SMPD3: variants seen among roughly 807,000 people sequenced by gnomAD.
SMPD3 encodes the protein nSMase-2.
A neutral mutation model predicts 55.7 loss-of-function variants in SMPD3; 21 were observed. The observed-to-expected ratio is 0.38, with a 90% confidence interval of 0.27 to 0.54. The LOEUF is 0.54. Among genes scored for constraint, SMPD3 ranks in the 20% least tolerant of loss-of-function variants. The pLI, the probability that SMPD3 is intolerant of heterozygous loss-of-function variation, is 0.80. For synonymous variants in SMPD3, 457 were observed against 404.3 expected (o/e 1.13, Z -1.56); for missense variants, 842 against 899.6 (o/e 0.94, Z 0.82).
Position 68,371,743 on chromosome 16 carries a change from T to G in SMPD3, c.439A>C (p.Thr147Pro), listed in dbSNP as rs762435024. Residue 147 changes from threonine to proline, a missense_variant, in exon 3 of 9, where the codon ACC becomes CCC. By Grantham distance (38) the Thr-to-Pro change is conservative (BLOSUM62 -1). Transcript: ENST00000219334. Reference protein sequence around the residue: ...SLARVNNLFNTQARAKEIGQR... With the variant: ...SLARVNNLFNPQARAKEIGQR... ...CCGATCTCCTTGGCCCGCGCTTGGG[T>G]GTTAAAAAGGTTGTTGACCCTGGCG... 18 of 1,609,760 alleles carry G rather than the reference T, an allele frequency of 1.1e-5. No individual in the cohort carries two copies. In the East Asian group the frequency reaches 3.1e-4, roughly 28 times the overall value.
Position 68,447,391 on chromosome 16 carries a change from T to C in SMPD3, c.-269+962A>G, listed in dbSNP as rs1179573653. The stretch of plus-strand genomic sequence containing the variant: ...TGCCCATCTGGGATTGGCCCCCAGC[T>C]GCGGTGCCAGAGGCTCGGTCCCCGG... On this transcript the variant is annotated intron_variant, in intron 1 of 8. Transcript: ENST00000219334. The surrounding 1 kb of genome is among the most constrained non-coding windows in gnomAD (Gnocchi z 5.1). Among the ~76,000 whole-genome samples, 1 of 152,140 alleles carries C rather than the reference T, an allele frequency of 6.6e-6. No individual in the cohort carries two copies. Among genetic ancestry groups the C allele is most frequent in the African/African-American group, 2.4e-5 (1 of 41,426 alleles).
intron 1 of SMPD3, among the ~76,000 whole-genome samples, chr16:68,392,999 A>G (rs114760212): frequency 0.034 from 5,146 of 151,992 alleles, 276 homozygotes; most frequent in African/African-American, 0.12. Flanking sequence ...TCTAACCTGT[A>G]AGAAACTAAA....
rs1184244312 is a variant in SMPD3 at position 68,359,740 on chromosome 16, AAC to A, written c.*1464_*1465del. 4 of 152,560 alleles carry A rather than the reference AAC, an allele frequency of 2.6e-5. 1 individual carries two copies. The highest frequency in any genetic ancestry group is 9.6e-5 in the African/African-American group (4 of 41,464). 9.5% of individuals were successfully genotyped at this position (152,560 alleles called of 1,614,324 possible). A position where few individuals can be genotyped will look rare whatever the true frequency, so the allele number is the denominator to read the frequency against. On this transcript the variant is annotated 3_prime_UTR_variant, in exon 9 of 9. Coordinates refer to ENST00000219334, the MANE Select transcript of SMPD3 (RefSeq NM_018667.4). ...GCGGAGGTCAGCGGGGATTGTCAAA[AAC>A]AGTCCCTCAAGTTGAGTCTCGAACT...
chr16:68,382,990 A>G lies in SMPD3; in HGVS notation c.-207+3608T>C, dbSNP rs978667340. Among the ~76,000 whole-genome samples the G allele has an allele frequency of 2.6e-5, 4 of 152,206 alleles. No individual in the cohort carries two copies. In the East Asian group the frequency reaches 5.8e-4, roughly 22 times the overall value. ...CTCCCGAGTATCTGGGATTACAGGC[A>G]TGTGCCAGCTAATTTTTTTTGTATT... On this transcript the variant is annotated intron_variant, in intron 2 of 8. Coordinates refer to ENST00000219334, the MANE Select transcript of SMPD3 (RefSeq NM_018667.4).
chr16:68,376,399 C>G (rs79457734), intron 2 of SMPD3, among the ~76,000 whole-genome samples: 4,963 of 152,326 alleles, frequency 0.033, 255 homozygotes, highest in African/African-American at 0.11. Flanking sequence ...TGCCCCCGCT[C>G]TCTGCTTCCA....
intron 2 of SMPD3, among the ~76,000 whole-genome samples, chr16:68,376,219 A>G (rs1052718760): frequency 3.9e-5 from 6 of 152,250 alleles, no homozygotes; most frequent in African/African-American, 1.4e-4. Flanking sequence ...GAAACCCCCA[A>G]GTCCTCAGAG....
At chr16:68,444,335 C>A (rs2090592764) in intron 1 of SMPD3, among the ~76,000 whole-genome samples, 1 of 152,216 alleles carries the variant, frequency 6.6e-6, no homozygotes. Flanking sequence ...AGAAAAGCTG[C>A]ATTAGTGCAG....
chr16:68,424,234 G>A (rs2090418173), intron 1 of SMPD3, among the ~76,000 whole-genome samples: 2 of 151,762 alleles, frequency 1.3e-5, no homozygotes, highest in African/African-American at 4.8e-5. Context: ...GTGTATACAT[G>A]GCAGGATGTA....
intron 1 of SMPD3, among the ~76,000 whole-genome samples, chr16:68,443,676 G>A (rs111335691): frequency 0.019 from 2,938 of 152,234 alleles, 39 homozygotes; most frequent in Non-Finnish European, 0.029. Context: ...AACAAAGCTG[G>A]ATAAGATATA....
At chr16:68,433,119 T>G (rs1361140047) in intron 1 of SMPD3, among the ~76,000 whole-genome samples, 1 of 152,224 alleles carries the variant, frequency 6.6e-6, no homozygotes, top group Non-Finnish European at 1.5e-5. Flanking sequence ...TTTTCTGGAT[T>G]ACTGAAATAA....
intron 1 of SMPD3, among the ~76,000 whole-genome samples, chr16:68,433,876 T>TG (rs2090500002): frequency 6.6e-6 from 1 of 152,130 alleles, no homozygotes; most frequent in Admixed American, 6.5e-5. Context: ...GTTCATTTTT[T>TG]TTTTTTAGGT....
intron 1 of SMPD3, among the ~76,000 whole-genome samples, chr16:68,411,309 G>C (rs1051570187): frequency 2.0e-5 from 3 of 152,244 alleles, no homozygotes; most frequent in South Asian, 2.1e-4. Flanking sequence ...CAGTGTTGGG[G>C]TGGGGAGCTC....
At chr16:68,397,275 G>A (rs2090165719) in intron 1 of SMPD3, among the ~76,000 whole-genome samples, 1 of 152,210 alleles carries the variant, frequency 6.6e-6, no homozygotes, top group South Asian at 2.1e-4. Flanking sequence ...CTCCTCCTCT[G>A]TCCCAGAGGG....
chr16:68,370,359 C>T (rs1456101117), intron 3 of SMPD3: 1 of 158,392 alleles, frequency 6.3e-6, no homozygotes, highest in Non-Finnish European at 1.4e-5. Flanking sequence ...CAGGCGGTGT[C>T]ACGGCCTGGA....
At chr16:68,426,103 C>T (rs906666153) in intron 1 of SMPD3, among the ~76,000 whole-genome samples, 5 of 152,106 alleles carry the variant, frequency 3.3e-5, no homozygotes, top group Admixed American at 6.5e-5. Flanking sequence ...CTATTTTAGC[C>T]ATCTTATCTA....
intron 1 of SMPD3, among the ~76,000 whole-genome samples, chr16:68,393,984 T>A (rs1271650312): frequency 6.6e-6 from 1 of 152,204 alleles, no homozygotes; most frequent in Admixed American, 6.5e-5. Flanking sequence ...TTGTCATTCT[T>A]ACCAATTTCA....
intron 7 of SMPD3, among the ~76,000 whole-genome samples, chr16:68,362,940 G>A (rs1177072437): frequency 2.0e-5 from 3 of 152,148 alleles, no homozygotes; most frequent in East Asian, 1.9e-4. Flanking sequence ...CTGCAGTCTC[G>A]GGCTGTGAAT....
Position 68,363,448 on chromosome 16 carries a change from C to T in SMPD3, c.1709+48G>A, listed in dbSNP as rs763157413. 8.7e-6 allele frequency: 14 copies of T among 1,602,550 alleles called. 1 individual carries two copies. In the South Asian group the frequency reaches 9.9e-5, roughly 11 times the overall value. ...GGGTCCTGCCCAGTCCCTGTCTCCA[C>T]CTTAGTCAGGGTGTGCCTCGTCCCT... On this transcript the variant is annotated intron_variant, in intron 7 of 8. Coordinates refer to ENST00000219334, the MANE Select transcript of SMPD3 (RefSeq NM_018667.4).
chr16:68,418,443 A>G (rs906733847), intron 1 of SMPD3, among the ~76,000 whole-genome samples: 3 of 152,212 alleles, frequency 2.0e-5, no homozygotes, highest in Non-Finnish European at 2.9e-5. Context: ...TAGGCCTTTG[A>G]ATACTTTAAA....
Sources: allele counts gnomAD v4.1 joint callset (sites outside exome capture counted in the v4.1 genomes callset), GRCh38; gene constraint gnomAD v4.1.1; non-coding constraint Gnocchi (gnomAD v3.1); transcripts MANE v1.5; gene names NCBI Gene and HGNC (gene_info 2026-07-23, HGNC 2026-07-21).